Variants in FRS2 observed in about 807,000 individuals in gnomAD.
FRS2 encodes fibroblast growth factor receptor substrate 2, also known as FGFR signalling adaptor.
Under a neutral mutation model 43.9 loss-of-function variants are expected in FRS2, and 8 were observed. The observed-to-expected ratio is 0.18, with a 90% confidence interval of 0.11 to 0.33. FRS2 has a LOEUF of 0.33. FRS2 is among the 10% of genes least tolerant of loss of function. The probability of loss-of-function intolerance (pLI) is 1.00; values close to 1 mark genes in which losing one functional copy is unlikely to be tolerated. For synonymous variants in FRS2, 219 were observed against 220.3 expected (o/e 0.99, Z 0.05); for missense variants, 534 against 627.6 (o/e 0.85, Z 1.59).
At chr12:69,529,684 G>A (rs1225516233) in intron 1 of FRS2, among the ~76,000 whole-genome samples, 1 of 151,878 alleles carries the variant, frequency 6.6e-6, no homozygotes. Flanking sequence ...ATCAATTTAA[G>A]TTAAAAAAAT....
chr12:69,522,177 G>A (rs971641130), intron 1 of FRS2, among the ~76,000 whole-genome samples: 2 of 144,016 alleles, frequency 1.4e-5, no homozygotes, highest in Non-Finnish European at 3.0e-5. Flanking sequence ...AAGGATATTG[G>A]CTGAAGTTTT....
chr12:69,570,764 CTAAG>C (rs1231432837), intron 6 of FRS2, among the ~76,000 whole-genome samples: 1 of 152,146 alleles, frequency 6.6e-6, no homozygotes, highest in Non-Finnish European at 1.5e-5. Context: ...GCTAAATTGA[CTAAG>C]TGTCTTTATC....
intron 3 of FRS2, among the ~76,000 whole-genome samples, chr12:69,549,496 C>T (rs547572387): frequency 2.6e-5 from 4 of 152,192 alleles, no homozygotes; most frequent in South Asian, 4.1e-4. Flanking sequence ...GTATTTAATT[C>T]ATTTTGTTTT....
chr12:69,479,457 G>A (rs1871171220), intron 1 of FRS2, among the ~76,000 whole-genome samples: 1 of 149,002 alleles, frequency 6.7e-6, no homozygotes, highest in Non-Finnish European at 1.5e-5. Flanking sequence ...GAGTGCAGTG[G>A]CGCGATCTCA....
intron 1 of FRS2, among the ~76,000 whole-genome samples, chr12:69,473,108 C>G (rs1006383002): frequency 1.3e-5 from 2 of 152,208 alleles, no homozygotes; most frequent in Admixed American, 1.3e-4. Flanking sequence ...TCAGAAGCTA[C>G]TGTTTATTGA....
intron 1 of FRS2, among the ~76,000 whole-genome samples, chr12:69,485,978 C>T (rs1871903803): frequency 1.3e-5 from 2 of 152,152 alleles, no homozygotes; most frequent in South Asian, 4.1e-4. Flanking sequence ...CATTCCTTCA[C>T]TTTTTCCCTA....
chr12:69,556,612 G>A (rs1241805207), intron 3 of FRS2, among the ~76,000 whole-genome samples: 1 of 152,152 alleles, frequency 6.6e-6, no homozygotes, highest in Non-Finnish European at 1.5e-5. Context: ...GTGAGCCATC[G>A]TGACCAGCTT....
chr12:69,570,335 T>C lies in FRS2; in HGVS notation c.71T>C (p.Ile24Thr), dbSNP rs1377084436. ...PDNHRNKFKVINVDDDGNELG... is the reference protein window; with the variant it reads ...PDNHRNKFKVTNVDDDGNELG... ...ACTGTCACCTTCTTTTTTTAGGTCA[T>C]TAATGTGGATGATGATGGGAATGAG... is the stretch of plus-strand genomic sequence containing the variant. The change falls in exon 6 of 9, where the codon ATT (isoleucine) becomes ACT (threonine). Residue 24 changes from isoleucine (I) to threonine (T), a missense_variant. By Grantham distance (89) the Ile-to-Thr change is moderately conservative. This residue lies in a region of FRS2 where 76 missense variants were observed against 90.5 expected (regional missense o/e 0.84). Coordinates refer to ENST00000549921, the MANE Select transcript of FRS2 (RefSeq NM_001278356.2). The C allele has an allele frequency of 7.4e-6, 12 of 1,612,284 alleles. No individual in the cohort carries two copies. The highest frequency in any genetic ancestry group is 1.0e-5 in the Non-Finnish European group (12 of 1,178,290).
At chr12:69,502,615 G>A (rs900939580) in intron 1 of FRS2, among the ~76,000 whole-genome samples, 2 of 152,152 alleles carry the variant, frequency 1.3e-5, no homozygotes, top group Admixed American at 6.5e-5. Context: ...AAGGTGCTCA[G>A]TATTCCGCAG....
intron 3 of FRS2, among the ~76,000 whole-genome samples, chr12:69,545,726 A>G (rs1878317244): frequency 7.0e-6 from 1 of 143,388 alleles, no homozygotes; most frequent in African/African-American, 2.6e-5. Flanking sequence ...ACTGCACTCC[A>G]GCCTGGGCGA....
chr12:69,516,660 G>A (rs891506069), intron 1 of FRS2, among the ~76,000 whole-genome samples: 1 of 152,080 alleles, frequency 6.6e-6, no homozygotes, highest in Admixed American at 6.5e-5. Flanking sequence ...ATATTAAATT[G>A]TCAACATTGA....
chr12:69,516,314 G>A (rs1358942207), intron 1 of FRS2, among the ~76,000 whole-genome samples: 1 of 151,814 alleles, frequency 6.6e-6, no homozygotes, highest in African/African-American at 2.4e-5. Context: ...CGCCTCCCTG[G>A]TTCAAGCCAT....
intron 3 of FRS2, among the ~76,000 whole-genome samples, chr12:69,555,271 C>G (rs994754581): frequency 6.6e-5 from 10 of 152,132 alleles, no homozygotes; most frequent in Admixed American, 2.0e-4. Flanking sequence ...GTCTCAAACT[C>G]CTAACCTTAG....
At chr12:69,487,956 T>C (rs1872108197) in intron 1 of FRS2, among the ~76,000 whole-genome samples, 1 of 152,202 alleles carries the variant, frequency 6.6e-6, no homozygotes, top group South Asian at 2.1e-4. Context: ...AACTACAGCC[T>C]TAGGATGTGA....
chr12:69,559,788 A>C (rs1020394567), intron 3 of FRS2, among the ~76,000 whole-genome samples: 2 of 140,226 alleles, frequency 1.4e-5, no homozygotes, highest in African/African-American at 5.1e-5. Context: ...CCAATGGTTT[A>C]AAAAAAAAAA....
chr12:69,510,287 G>A (rs1257249310), intron 1 of FRS2, among the ~76,000 whole-genome samples: 2 of 152,138 alleles, frequency 1.3e-5, no homozygotes, highest in African/African-American at 4.8e-5. Flanking sequence ...TTCTCTGAGT[G>A]CCCTCGGTAG....
chr12:69,552,381 A>G (rs1242231222), intron 3 of FRS2, among the ~76,000 whole-genome samples: 1 of 151,986 alleles, frequency 6.6e-6, no homozygotes, highest in African/African-American at 2.4e-5. Context: ...TATTCAAAAT[A>G]ACAACAATAA....
At chr12:69,490,356 A>G (rs886124633) in intron 1 of FRS2, among the ~76,000 whole-genome samples, 1 of 152,014 alleles carries the variant, frequency 6.6e-6, no homozygotes, top group Non-Finnish European at 1.5e-5. Context: ...TTGAGGGATT[A>G]TAGTGTTCAG....
At chr12:69,537,313 A>T (rs1877411158) in intron 3 of FRS2, among the ~76,000 whole-genome samples, 1 of 149,024 alleles carries the variant, frequency 6.7e-6, no homozygotes, top group Admixed American at 6.7e-5. Context: ...TCCTTTTTGG[A>T]TCTGAGACCT....
Sources: gnomAD v4.1 joint callset for allele counts (sites outside exome capture counted in the v4.1 genomes callset) on GRCh38, gnomAD v4.1.1 for gene constraint, gnomAD v4.1.1 regional missense constraint, MANE v1.5 for transcripts, NCBI Gene and HGNC (gene_info 2026-07-23, HGNC 2026-07-21) for gene names.